KANSL1: variants seen among roughly 807,000 people sequenced by gnomAD.
The protein encoded by KANSL1 is KAT8 regulatory NSL complex subunit 1.
A neutral mutation model predicts 103.6 loss-of-function variants in KANSL1; 22 were observed. That is an observed-to-expected ratio of 0.21 (90% CI 0.15 to 0.30). The LOEUF is 0.30. Ranked by LOEUF, KANSL1 falls within the 10% of genes least tolerant of loss-of-function variation. The pLI is 1.00. For synonymous variants in KANSL1, 600 were observed against 527.6 expected (o/e 1.14, Z -1.88); for missense variants, 1,337 against 1,399.8 (o/e 0.96, Z 0.72).
intron 1 of KANSL1, among the ~76,000 whole-genome samples, chr17:46,208,207 A>G (rs1483688981): frequency 4.6e-5 from 7 of 152,238 alleles, no homozygotes; most frequent in Non-Finnish European, 1.0e-4. Context: ...TCATGCTATC[A>G]ATTTGCACCA....
intron 6 of KANSL1, among the ~76,000 whole-genome samples, chr17:46,058,676 C>G (rs910122306): frequency 2.8e-5 from 4 of 143,932 alleles, no homozygotes; most frequent in African/African-American, 1.1e-4. Context: ...TGTATCAAAC[C>G]AACACTCTCA....
Position 46,172,149 on chromosome 17 carries a change from A to G in KANSL1, c.-6T>C. Reference sequence around the variant, plus strand: ...GCGGGCGCCATCGCAGCCATTCAGCACAGAGAGACAGGAAGTCCAGCCTCT... The same window carrying G: ...GCGGGCGCCATCGCAGCCATTCAGCGCAGAGAGACAGGAAGTCCAGCCTCT... On this transcript the variant is annotated 5_prime_UTR_variant, in exon 2 of 15. Coordinates refer to ENST00000432791, the MANE Select transcript of KANSL1 (RefSeq NM_015443.4). 1.2e-6 allele frequency: 2 copies of G among 1,600,818 alleles called. No individual in the cohort carries two copies. The highest frequency in any genetic ancestry group is 1.7e-6 in the Non-Finnish European group (2 of 1,179,386).
At chr17:46,149,932 G>C (rs1393447578) in intron 2 of KANSL1, among the ~76,000 whole-genome samples, 4 of 151,918 alleles carry the variant, frequency 2.6e-5, no homozygotes, top group South Asian at 2.1e-4. Context: ...TGAGGCAGGA[G>C]AATGGTGTGA....
chr17:46,067,683 GAAAA>G lies in KANSL1; in HGVS notation c.1534-20_1534-17del. 7.2e-7 allele frequency: 1 copy of G among 1,379,768 alleles called. No individual in the cohort carries two copies. Among genetic ancestry groups the G allele is most frequent in the South Asian group, 1.2e-5 (1 of 85,516 alleles). 85.5% of individuals were successfully genotyped at this position (1,379,768 alleles called of 1,614,324 possible). A position where few individuals can be genotyped will look rare whatever the true frequency, so the allele number is the denominator to read the frequency against. ...CAGACTCAATCTGATTAAGAAAAAGGAAAAAAGAAATTAACATGTACCCAAGCGC... is the reference window on the plus strand; with the variant it reads ...CAGACTCAATCTGATTAAGAAAAAGGAAGAAATTAACATGTACCCAAGCGC... On this transcript the variant is annotated splice_polypyrimidine_tract_variant and intron_variant, in intron 4 of 14. Transcript: ENST00000432791.
At chr17:46,209,444 T>C (rs2048088098) in intron 1 of KANSL1, among the ~76,000 whole-genome samples, 1 of 152,222 alleles carries the variant, frequency 6.6e-6, no homozygotes, top group African/African-American at 2.4e-5. Context: ...CTCAAACTGA[T>C]ATGTCAGATG....
At chr17:46,195,307 A>C (rs1316928962), upstream of KANSL1, among the ~76,000 whole-genome samples, 6 of 152,268 alleles carry the variant, frequency 3.9e-5, no homozygotes, top group Non-Finnish European at 7.3e-5. Context: ...CCAAATTTTT[A>C]AGACTGAACT....
chr17:46,149,004 CT>C (rs77731269), intron 2 of KANSL1, among the ~76,000 whole-genome samples: 59,511 of 115,172 alleles, frequency 0.52, 11,837 homozygotes, highest in East Asian at 0.83. Context: ...CTCTTTTTTT[CT>C]TTTTTTTTTT....
chr17:46,096,999 T>C (rs1171234346), intron 2 of KANSL1, among the ~76,000 whole-genome samples: 2 of 152,088 alleles, frequency 1.3e-5, no homozygotes, highest in Non-Finnish European at 2.9e-5. Context: ...TCCTGACCTT[T>C]AGCCTCCCAA....
At chr17:46,140,147 T>C (rs549896740) in intron 2 of KANSL1, among the ~76,000 whole-genome samples, 8 of 152,318 alleles carry the variant, frequency 5.3e-5, no homozygotes, top group Non-Finnish European at 1.0e-4. Context: ...CATACATATA[T>C]ATTTTTGTTG....
At chr17:46,189,472 T>A (rs1372111780) in intron 1 of KANSL1, among the ~76,000 whole-genome samples, 4 of 151,920 alleles carry the variant, frequency 2.6e-5, no homozygotes, top group Admixed American at 2.6e-4. Context: ...CCCCTACCCA[T>A]CTCCCCACAA....
At chr17:46,122,856 A>C (rs1427677802) in intron 2 of KANSL1, among the ~76,000 whole-genome samples, 2 of 152,236 alleles carry the variant, frequency 1.3e-5, no homozygotes, top group Non-Finnish European at 2.9e-5. Flanking sequence ...TTAACTGATA[A>C]AAATGTGTGT....
intron 1 of KANSL1, among the ~76,000 whole-genome samples, chr17:46,190,458 A>G (rs150892285): frequency 6.6e-6 from 1 of 152,376 alleles, no homozygotes; most frequent in Admixed American, 6.5e-5. Context: ...TGGCTTTCAG[A>G]AAAGATGCAA....
intron 2 of KANSL1, among the ~76,000 whole-genome samples, chr17:46,145,939 G>C (rs1405652754): frequency 6.6e-6 from 1 of 152,164 alleles, no homozygotes; most frequent in Non-Finnish European, 1.5e-5. Flanking sequence ...ATGTTGGCTA[G>C]GCTGGTCTCA....
intron 1 of KANSL1, among the ~76,000 whole-genome samples, chr17:46,188,275 A>G (rs957946217): frequency 6.6e-6 from 1 of 152,232 alleles, no homozygotes; most frequent in Non-Finnish European, 1.5e-5. Context: ...CTACAGCCAT[A>G]GTGTGGTTCA....
intron 4 of KANSL1, among the ~76,000 whole-genome samples, chr17:46,080,468 G>A (rs544111128): frequency 1.3e-5 from 2 of 151,210 alleles, no homozygotes; most frequent in South Asian, 4.2e-4. Flanking sequence ...AAGCAAAACT[G>A]AGAAAAGTCA....
intron 1 of KANSL1, among the ~76,000 whole-genome samples, chr17:46,205,027 G>A (rs1197406788): frequency 6.6e-6 from 1 of 152,162 alleles, no homozygotes; most frequent in Non-Finnish European, 1.5e-5. Context: ...GAGAAAGCCT[G>A]AATGCTTTCT....
At position 46,034,188 on chromosome 17, in the gene KANSL1, A is replaced by G; in HGVS notation, c.2639T>C (p.Leu880Pro). Residue 880 changes from leucine (L) to proline (P), a missense_variant, in exon 11 of 15, where the codon CTG becomes CCG. Around this residue, in one of 2 missense-constraint regions of KANSL1, gnomAD observed 780 missense variants for 923.4 expected, o/e 0.84. Coordinates refer to ENST00000432791, the MANE Select transcript of KANSL1 (RefSeq NM_015443.4). ...GGGCGTAAGGATTTCCTTGTATTGC[A>G]GTTTCTCTACGCGAGTTGTTGCAGC... is the stretch of plus-strand genomic sequence containing the variant. ...SVAATTRVEK[L>P]QYKEILTPSW... is the part of the protein sequence containing the mutation. 1 of 1,614,112 alleles carries G rather than the reference A, an allele frequency of 6.2e-7. No individual in the cohort carries two copies. Among genetic ancestry groups the G allele is most frequent in the Non-Finnish European group, 8.5e-7 (1 of 1,179,968 alleles).
Position 46,171,495 on chromosome 17 carries a change from C to A in KANSL1, c.649G>T (p.Val217Leu). The A allele has an allele frequency of 6.2e-7, 1 of 1,614,108 alleles. No homozygotes were observed. Among genetic ancestry groups the A allele is most frequent in the African/African-American group, 1.3e-5 (1 of 75,024 alleles). ...TTGCTATACAAAGTTGTGTGTTCTA[C>A]ATCAAGGCTTCTATGTGGAAGAGTG... Reference protein sequence around the residue: ...NCTLPHRSLDVEHTTLYSNNS... With the variant: ...NCTLPHRSLDLEHTTLYSNNS... The change falls in exon 2 of 15, where the codon GTA becomes TTA. Residue 217 changes from valine to leucine, a missense_variant. Transcript: ENST00000432791.
chr17:46,180,757 T>C (rs958998617), intron 1 of KANSL1, among the ~76,000 whole-genome samples: 1 of 152,060 alleles, frequency 6.6e-6, no homozygotes, highest in South Asian at 2.1e-4. Context: ...CCCAGCACTC[T>C]GGGAGGCCAA....
Sources: allele counts gnomAD v4.1 joint callset (sites outside exome capture counted in the v4.1 genomes callset), GRCh38; gene constraint gnomAD v4.1.1; regional missense constraint gnomAD v4.1.1; transcripts MANE v1.5; gene names NCBI Gene and HGNC (gene_info 2026-07-23, HGNC 2026-07-21).